The following MTUS2 variants were observed in gnomAD, a reference collection of about 807,000 sequenced individuals.
MTUS2 encodes microtubule-associated tumor suppressor candidate 2.
Under a neutral mutation model 114.1 loss-of-function variants are expected in MTUS2, and 40 were observed. That is an observed-to-expected ratio of 0.35 (90% CI 0.27 to 0.46). The LOEUF (loss-of-function observed/expected upper bound fraction) is 0.46. Among genes scored for constraint, MTUS2 ranks in the 20% least tolerant of loss-of-function variants. The probability of loss-of-function intolerance (pLI) is 1.00; values close to 1 mark genes in which losing one functional copy is unlikely to be tolerated. For synonymous variants in MTUS2, 688 were observed against 672.0 expected (o/e 1.02, Z -0.37); for missense variants, 1,679 against 1,705.4 (o/e 0.98, Z 0.27).
At chr13:29,193,843 A>G (rs1005876537) in intron 5 of MTUS2, among the ~76,000 whole-genome samples, 46 of 152,216 alleles carry the variant, frequency 3.0e-4, no homozygotes, top group African/African-American at 1.1e-3. Flanking sequence ...ACTTCAAACT[A>G]TACTACAAGG....
chr13:28,864,974 G>T (rs766062637), intron 2 of MTUS2, among the ~76,000 whole-genome samples: 1 of 152,164 alleles, frequency 6.6e-6, no homozygotes, highest in Non-Finnish European at 1.5e-5. Flanking sequence ...CGCTCTTGAA[G>T]AATATGAAAC....
chr13:29,463,354 G>A (rs538864265), intron 9 of MTUS2, among the ~76,000 whole-genome samples: 6 of 152,272 alleles, frequency 3.9e-5, no homozygotes, highest in Admixed American at 1.3e-4. Context: ...TTGTTAGAGC[G>A]GCCACAGGAG....
intron 2 of MTUS2, among the ~76,000 whole-genome samples, chr13:28,880,827 G>A (rs1878241226): frequency 6.6e-6 from 1 of 152,060 alleles, no homozygotes; most frequent in South Asian, 2.1e-4. Flanking sequence ...AGTACAGCAT[G>A]GTCTCTTTTT....
Position 29,087,731 on chromosome 13 carries a change from C to T in MTUS2, c.2447-13042C>T, listed in dbSNP as rs1432347694. Among the ~76,000 whole-genome samples, 15 of 152,238 alleles carry T rather than the reference C, an allele frequency of 9.9e-5. 1 individual carries two copies. Reference sequence around the variant, plus strand: ...TGGGGTTGTTTTGCTCTCATTTCTCCAGTTCCTCTGGGTATAATGTTAGGT... The same window carrying T: ...TGGGGTTGTTTTGCTCTCATTTCTCTAGTTCCTCTGGGTATAATGTTAGGT... On this transcript the variant is annotated intron_variant, in intron 4 of 15. Transcript: ENST00000612955.
At chr13:29,081,529 C>T (rs979744513) in intron 4 of MTUS2, among the ~76,000 whole-genome samples, 1 of 151,640 alleles carries the variant, frequency 6.6e-6, no homozygotes, top group African/African-American at 2.4e-5. Context: ...GGAAGCAAAA[C>T]GTTTCTTGTA....
rs534248041 is a variant in MTUS2 at position 28,862,668 on chromosome 13, T to C, written c.-243+22818T>C. Among the ~76,000 whole-genome samples, 19 of 152,292 alleles carry C rather than the reference T, an allele frequency of 1.2e-4. No individual in the cohort carries two copies. In the South Asian group the frequency reaches 2.9e-3, roughly 23 times the overall value. ...ACACAAGTTGTTGATTGTAGCTTTA[T>C]TTATTGTAGTGGAAAATTGGAAACA... On this transcript the variant is annotated intron_variant, in intron 2 of 15. Transcript: ENST00000612955.
intron 2 of MTUS2, among the ~76,000 whole-genome samples, chr13:28,967,527 G>C (rs1463558831): frequency 6.6e-6 from 1 of 152,202 alleles, no homozygotes. Flanking sequence ...TAAAGCATCT[G>C]TGCTGTTATT....
At chr13:29,293,621 A>T (rs541903757) in intron 6 of MTUS2, among the ~76,000 whole-genome samples, 68 of 152,234 alleles carry the variant, frequency 4.5e-4, no homozygotes, top group Non-Finnish European at 7.8e-4. Flanking sequence ...CAATAATGAT[A>T]TATGTGCAGG....
At chr13:29,502,066 T>C (rs115321738) in intron 15 of MTUS2, among the ~76,000 whole-genome samples, 1 of 152,348 alleles carries the variant, frequency 6.6e-6, no homozygotes, top group African/African-American at 2.4e-5. Flanking sequence ...ACACAGCCAT[T>C]GCCCCCATAA....
At chr13:28,866,448 G>C (rs1345339750) in intron 2 of MTUS2, among the ~76,000 whole-genome samples, 1 of 152,148 alleles carries the variant, frequency 6.6e-6, no homozygotes, top group Non-Finnish European at 1.5e-5. Context: ...GCTTCTTGTT[G>C]TGTGGTCTTT....
chr13:29,036,418 C>A (rs1251077138), intron 4 of MTUS2, among the ~76,000 whole-genome samples: 2 of 152,142 alleles, frequency 1.3e-5, no homozygotes, highest in Non-Finnish European at 2.9e-5. Context: ...TTACATCTAA[C>A]CTCCTTACAA....
At chr13:29,222,881 A>G (rs1895961835) in intron 5 of MTUS2, among the ~76,000 whole-genome samples, 1 of 152,208 alleles carries the variant, frequency 6.6e-6, no homozygotes, top group South Asian at 2.1e-4. Context: ...CAACCCAGCT[A>G]GGTGTGCACA....
chr13:29,017,074 C>T (rs1886096742), intron 2 of MTUS2, among the ~76,000 whole-genome samples: 1 of 152,178 alleles, frequency 6.6e-6, no homozygotes. Flanking sequence ...TACCAGGAGA[C>T]TTTCAGATGA....
chr13:29,112,494 A>T (rs1890920065), intron 5 of MTUS2, among the ~76,000 whole-genome samples: 1 of 152,206 alleles, frequency 6.6e-6, no homozygotes, highest in South Asian at 2.1e-4. Flanking sequence ...ATCAGGTTAC[A>T]AGGGGGTAAG....
At chr13:29,023,307 C>T (rs1231723924) in intron 2 of MTUS2, among the ~76,000 whole-genome samples, 1 of 152,166 alleles carries the variant, frequency 6.6e-6, no homozygotes, top group Non-Finnish European at 1.5e-5. Context: ...ATCATGCAGG[C>T]CTCGAAGGCC....
At chr13:28,994,603 T>C (rs1388228226) in intron 2 of MTUS2, among the ~76,000 whole-genome samples, 2 of 152,212 alleles carry the variant, frequency 1.3e-5, no homozygotes, top group Non-Finnish European at 2.9e-5. Context: ...CTAAATGGTG[T>C]GAGACGGTAT....
chr13:28,827,739 C>T (rs571099793), intron 1 of MTUS2, among the ~76,000 whole-genome samples: 36 of 152,104 alleles, frequency 2.4e-4, no homozygotes, highest in Admixed American at 1.8e-3. Context: ...TGGCAGGTTC[C>T]GTGATGCCCC....
chr13:29,148,472 CTTTTTTTTT>C (rs976334425), intron 5 of MTUS2, among the ~76,000 whole-genome samples: 2 of 71,372 alleles, frequency 2.8e-5, no homozygotes, highest in South Asian at 5.1e-4. Flanking sequence ...GTTTGGTTTT[CTTTTTTTTT>C]TTTTTTTTTT....
chr13:29,043,226 A>G (rs1887452903), intron 4 of MTUS2, among the ~76,000 whole-genome samples: 1 of 152,060 alleles, frequency 6.6e-6, no homozygotes, highest in South Asian at 2.1e-4. Context: ...TTTAATTTCC[A>G]TGTATTTGCC....
Sources: allele counts gnomAD v4.1 joint callset (sites outside exome capture counted in the v4.1 genomes callset), GRCh38; gene constraint gnomAD v4.1.1; transcripts MANE v1.5; gene names NCBI Gene and HGNC (gene_info 2026-07-23, HGNC 2026-07-21).